CSMD3: variants seen among roughly 807,000 people sequenced by gnomAD.
CSMD3 encodes the protein CUB and sushi domain-containing protein 3.
Under a neutral mutation model 435.2 loss-of-function variants are expected in CSMD3, and 177 were observed. The observed-to-expected ratio is 0.41, with a 90% CI of 0.36 to 0.46. The LOEUF (loss-of-function observed/expected upper bound fraction) is 0.46, where lower values mean the gene tolerates loss of function less well. CSMD3 is among the 20% of genes least tolerant of loss of function. The pLI, the probability that CSMD3 is intolerant of heterozygous loss-of-function variation, is 0.34. For synonymous variants in CSMD3, 1,656 were observed against 1,520.5 expected, an observed-to-expected ratio of 1.09 and a Z score of -2.07; for missense variants, 4,265 against 4,504.6, an observed-to-expected ratio of 0.95 and a Z score of 1.52.
intron 63 of CSMD3, among the ~76,000 whole-genome samples, chr8:112,250,319 T>G (rs1433889165): frequency 6.6e-6 from 1 of 151,880 alleles, no homozygotes; most frequent in Non-Finnish European, 1.5e-5. Flanking sequence ...TTTAATATTT[T>G]TCTGTGTATC....
chr8:112,376,105 A>C (rs909458243), intron 38 of CSMD3, among the ~76,000 whole-genome samples: 2 of 152,182 alleles, frequency 1.3e-5, no homozygotes, highest in African/African-American at 4.8e-5. Context: ...TCCTGTTTGA[A>C]GTATTCCCTG....
intron 2 of CSMD3, among the ~76,000 whole-genome samples, chr8:113,286,238 C>T (rs2093645735): frequency 6.6e-6 from 1 of 152,004 alleles, no homozygotes. Flanking sequence ...TGGATGAAAA[C>T]ATTCTTGAAA....
intron 61 of CSMD3, among the ~76,000 whole-genome samples, chr8:112,261,286 C>A (rs1816374494): frequency 6.6e-6 from 1 of 152,018 alleles, no homozygotes; most frequent in African/African-American, 2.4e-5. Context: ...ATATCTGTTT[C>A]ATTTTTAAAA....
chr8:113,246,551 T>G (rs904956509), intron 3 of CSMD3, among the ~76,000 whole-genome samples: 1 of 152,158 alleles, frequency 6.6e-6, no homozygotes. Flanking sequence ...AAAGTCTTTG[T>G]CTAGTAAGTC....
intron 13 of CSMD3, among the ~76,000 whole-genome samples, chr8:112,779,407 C>G (rs2078326826): frequency 6.6e-6 from 1 of 151,996 alleles, no homozygotes; most frequent in Non-Finnish European, 1.5e-5. Flanking sequence ...GCAAGTAGAG[C>G]TTTAAAAATA....
At chr8:113,325,202 T>C (rs996497567) in intron 1 of CSMD3, among the ~76,000 whole-genome samples, 7 of 152,052 alleles carry the variant, frequency 4.6e-5, no homozygotes, top group African/African-American at 9.7e-5. Context: ...GAAGGCACGA[T>C]TGGTTTTGAA....
At chr8:112,718,505 G>GTATATATATATATATATA (rs1554661885) in intron 13 of CSMD3, among the ~76,000 whole-genome samples, 1 of 144,924 alleles carries the variant, frequency 6.9e-6, no homozygotes, top group African/African-American at 2.7e-5. Context: ...CTATGTGTGT[G>GTATATATATATATATATA]TATATATATG....
intron 59 of CSMD3, among the ~76,000 whole-genome samples, chr8:112,272,479 A>T (rs1366792095): frequency 6.6e-6 from 1 of 152,184 alleles, no homozygotes; most frequent in Non-Finnish European, 1.5e-5. Flanking sequence ...ATCAAAATTT[A>T]TTAAAAACAT....
intron 1 of CSMD3, among the ~76,000 whole-genome samples, chr8:113,434,490 T>G (rs968415394): frequency 6.6e-6 from 1 of 152,284 alleles, no homozygotes; most frequent in South Asian, 2.1e-4. Context: ...ATTCGGAGAT[T>G]GACAGCAGGT....
intron 1 of CSMD3, among the ~76,000 whole-genome samples, chr8:113,417,135 A>C (rs2129887003): frequency 6.6e-6 from 1 of 152,200 alleles, no homozygotes; most frequent in South Asian, 2.1e-4. Context: ...GGTGCCTCTA[A>C]GAGTAAAGCA....
At chr8:112,849,043 C>CA (rs1466143135) in intron 11 of CSMD3, among the ~76,000 whole-genome samples, 1 of 151,982 alleles carries the variant, frequency 6.6e-6, no homozygotes, top group African/African-American at 2.4e-5. Context: ...TAGTGTTATG[C>CA]AACATTTTTT....
chr8:112,574,600 T>C (rs566821242), intron 23 of CSMD3, among the ~76,000 whole-genome samples: 1 of 152,120 alleles, frequency 6.6e-6, no homozygotes, highest in African/African-American at 2.4e-5. Context: ...CAATGCATAT[T>C]ACCATTCCTT....
chr8:113,094,303 C>T (rs901686918), intron 5 of CSMD3, among the ~76,000 whole-genome samples: 1 of 152,116 alleles, frequency 6.6e-6, no homozygotes, highest in Non-Finnish European at 1.5e-5. Context: ...CATAGAGCAG[C>T]CCCCTAAATG....
intron 5 of CSMD3, among the ~76,000 whole-genome samples, chr8:113,060,180 T>C (rs2088550404): frequency 8.5e-6 from 1 of 117,470 alleles, no homozygotes; most frequent in Non-Finnish European, 1.7e-5. Flanking sequence ...GAGTGTGATA[T>C]TCCCCTTCCT....
chr8:113,384,915 G>C (rs1238396761), intron 1 of CSMD3, among the ~76,000 whole-genome samples: 4 of 152,048 alleles, frequency 2.6e-5, no homozygotes, highest in Non-Finnish European at 5.9e-5. Flanking sequence ...AATTTGTTTT[G>C]TTTTGTTAGT....
chr8:113,115,344 G>T (rs569751439), intron 4 of CSMD3, among the ~76,000 whole-genome samples: 1 of 152,172 alleles, frequency 6.6e-6, no homozygotes, highest in Admixed American at 6.6e-5. Flanking sequence ...AAACTTCTAA[G>T]TGAATAGCTT....
At chr8:112,584,585 G>T (rs905360981) in intron 23 of CSMD3, among the ~76,000 whole-genome samples, 1 of 151,524 alleles carries the variant, frequency 6.6e-6, no homozygotes, top group African/African-American at 2.4e-5. Context: ...TTTTGTTTTG[G>T]TCAGAATCCA....
intron 49 of CSMD3, 93 bp downstream of exon 49, chr8:112,313,813 T>C: frequency 2.0e-6 from 2 of 1,008,048 alleles, no homozygotes; most frequent in Non-Finnish European, 3.1e-6. Flanking sequence ...GTGATTTGAA[T>C]TCATGTCTAA....
At chr8:112,643,971 T>TAA (rs1482035851) in intron 20 of CSMD3, among the ~76,000 whole-genome samples, 1 of 151,912 alleles carries the variant, frequency 6.6e-6, no homozygotes, top group African/African-American at 2.4e-5. Flanking sequence ...TTCTCATTGC[T>TAA]AAAAGTATTT....
Sources: allele counts gnomAD v4.1 joint callset (sites outside exome capture counted in the v4.1 genomes callset), GRCh38; gene constraint gnomAD v4.1.1; transcripts MANE v1.5; gene names NCBI Gene and HGNC (gene_info 2026-07-23, HGNC 2026-07-21).